The following PMVK variants were observed in gnomAD, a reference collection of about 807,000 sequenced individuals.
The protein encoded by PMVK is testis tissue sperm-binding protein Li 95mP.
Under a neutral mutation model 19.0 loss-of-function variants are expected in PMVK, and 10 were observed. That is an observed-to-expected ratio of 0.53 (90% CI 0.32 to 0.89). The LOEUF is 0.89. Among genes scored for constraint, PMVK ranks in the 40% least tolerant of loss-of-function variants. The pLI is 0.03. For synonymous variants in PMVK, 108 were observed against 101.6 expected (o/e 1.06, Z -0.38); for missense variants, 222 against 251.1 (o/e 0.88, Z 0.78).
At chr1:154,925,868 A>G (rs932314539) in intron 4 of PMVK, among the ~76,000 whole-genome samples, 1 of 152,220 alleles carries the variant, frequency 6.6e-6, no homozygotes, top group Non-Finnish European at 1.5e-5. Flanking sequence ...CAGCATTAGT[A>G]GTGGTCATAC....
At chr1:154,936,486 A>G in intron 1 of PMVK, 105 bp downstream of exon 1, 2 of 1,506,042 alleles carry the variant, frequency 1.3e-6, no homozygotes, top group Non-Finnish European at 1.8e-6. Context: ...TGCCTTGCAA[A>G]CGGACGACCC....
chr1:154,931,843 A>G (rs745622483), intron 2 of PMVK, among the ~76,000 whole-genome samples: 2 of 143,858 alleles, frequency 1.4e-5, no homozygotes, highest in Non-Finnish European at 3.0e-5. Flanking sequence ...GTTGTTGTTT[A>G]CTTTAAAAAA....
At chr1:154,940,412 G>T (rs1205995000), upstream of PMVK, among the ~76,000 whole-genome samples, 2 of 152,226 alleles carry the variant, frequency 1.3e-5, no homozygotes, top group Non-Finnish European at 2.9e-5. Context: ...AGAGGAAGTG[G>T]AGGGTGGGGG....
Position 154,926,492 on chromosome 1 carries a change from G to A in PMVK, c.313-9C>T. The stretch of plus-strand genomic sequence containing the variant: ...CGTGTGTCACTCACCAGCTGCAGGA[G>A]AGGGACAGACAGGTGACCAACAGGA... On this transcript the variant is annotated splice_polypyrimidine_tract_variant and intron_variant, in intron 3 of 4. Coordinates refer to ENST00000368467, the MANE Select transcript of PMVK (RefSeq NM_006556.4). 6.2e-7 allele frequency: 1 copy of A among 1,613,060 alleles called. No homozygotes were observed. Among genetic ancestry groups the A allele is most frequent in the Non-Finnish European group, 8.5e-7 (1 of 1,179,496 alleles).
At chr1:154,940,492 A>T (rs12095061), upstream of PMVK, among the ~76,000 whole-genome samples, 80,331 of 152,016 alleles carry the variant, frequency 0.53, 22,465 homozygotes, top group East Asian at 0.88. Flanking sequence ...GCAGGCTGCC[A>T]GTGGCAGAAT....
intron 3 of PMVK, 104 bp from the exon 4 acceptor site, chr1:154,926,587 C>G: frequency 1.1e-6 from 1 of 918,346 alleles, no homozygotes; most frequent in South Asian, 1.7e-5. Flanking sequence ...TGGCTCTACC[C>G]CCCCATCATC....
Position 154,924,986 on chromosome 1 carries a change from G to A in PMVK, c.*143C>T, listed in dbSNP as rs1654093968. 3 of 865,060 alleles carry A rather than the reference G, an allele frequency of 3.5e-6. No homozygotes were observed. Among genetic ancestry groups the A allele is most frequent in the Non-Finnish European group, 5.6e-6 (3 of 539,626 alleles). The allele number at this position is 865,060 out of a possible 1,614,324, so 53.6% of individuals were successfully genotyped here. A position where few individuals can be genotyped will look rare whatever the true frequency, so the allele number is the denominator to read the frequency against. On this transcript the variant is annotated 3_prime_UTR_variant, in exon 5 of 5. Transcript: ENST00000368467. ...GAGGTCTCCAGAGGTTTCCTGCCTTGCCCAATATCCACCAACCCCCTCAGA... is the reference window on the plus strand; with the variant it reads ...GAGGTCTCCAGAGGTTTCCTGCCTTACCCAATATCCACCAACCCCCTCAGA...
At chr1:154,936,150 C>T (rs1287341043) in intron 1 of PMVK, among the ~76,000 whole-genome samples, 2 of 152,220 alleles carry the variant, frequency 1.3e-5, no homozygotes, top group Non-Finnish European at 2.9e-5. Flanking sequence ...TGGCCAATCT[C>T]GCCTCACTGC....
upstream of PMVK, among the ~76,000 whole-genome samples, chr1:154,938,858 C>A (rs1654585451): frequency 1.3e-5 from 2 of 152,204 alleles, no homozygotes; most frequent in Non-Finnish European, 2.9e-5. Flanking sequence ...ACTGGCAGCC[C>A]AGCAATCCTG....
At chr1:154,928,369 C>T (rs532599095) in intron 3 of PMVK, among the ~76,000 whole-genome samples, 1 of 152,344 alleles carries the variant, frequency 6.6e-6, no homozygotes, top group Admixed American at 6.5e-5. Flanking sequence ...CTGGATCACA[C>T]AAGGCCCAGA....
intron 2 of PMVK, among the ~76,000 whole-genome samples, chr1:154,929,894 CCTT>C (rs1654283470): frequency 6.6e-6 from 1 of 152,164 alleles, no homozygotes; most frequent in Admixed American, 6.5e-5. Flanking sequence ...TGCAACAAGA[CCTT>C]CTCCCCTCAG....
chr1:154,942,296 G>C, the PMVK span, among the ~76,000 whole-genome samples: 1 of 152,226 alleles, frequency 6.6e-6, no homozygotes, highest in Non-Finnish European at 1.5e-5. Context: ...CCGAAGCCCT[G>C]CCCAGGCCAG....
At chr1:154,929,295 A>G (rs1374198900) in intron 2 of PMVK, 119 bp from the exon 3 acceptor site, 1 of 902,290 alleles carries the variant, frequency 1.1e-6, no homozygotes, top group South Asian at 1.6e-5. Flanking sequence ...TGCAAGGATT[A>G]ATGAGGTTTC....
At chr1:154,937,818 A>C (rs1019554056), upstream of PMVK, 5 of 152,122 alleles carry the variant, frequency 3.3e-5, no homozygotes, top group Admixed American at 1.3e-4. Flanking sequence ...GAACAGACTT[A>C]AGGAGGTGGT....
At chr1:154,933,563 G>C (rs771159331) in intron 1 of PMVK, among the ~76,000 whole-genome samples, 1 of 130,892 alleles carries the variant, frequency 7.6e-6, no homozygotes, top group East Asian at 2.4e-4. Flanking sequence ...GCGCGATCTC[G>C]GCTCACTGCA....
At chr1:154,930,709 C>T (rs1654309916) in intron 2 of PMVK, among the ~76,000 whole-genome samples, 1 of 152,038 alleles carries the variant, frequency 6.6e-6, no homozygotes, top group South Asian at 2.1e-4. Context: ...CCCCACCACC[C>T]TGCAGCATCG....
At chr1:154,938,591 G>A (rs1654580226), upstream of PMVK, among the ~76,000 whole-genome samples, 1 of 151,826 alleles carries the variant, frequency 6.6e-6, no homozygotes, top group African/African-American at 2.4e-5. Flanking sequence ...AAAAGACTCC[G>A]TCTCAAAAAA....
chr1:154,940,571 C>A (rs976279513), upstream of PMVK, among the ~76,000 whole-genome samples: 1 of 152,196 alleles, frequency 6.6e-6, no homozygotes, highest in South Asian at 2.1e-4. Context: ...CTTTGCCTAG[C>A]CTGAAATACC....
intron 2 of PMVK, among the ~76,000 whole-genome samples, chr1:154,931,928 A>G (rs755811192): frequency 2.0e-5 from 3 of 152,126 alleles, no homozygotes; most frequent in Non-Finnish European, 4.4e-5. Context: ...GACTCAAGCA[A>G]TCTACCTGCC....
Sources: gnomAD v4.1 joint callset for allele counts (sites outside exome capture counted in the v4.1 genomes callset) on GRCh38, gnomAD v4.1.1 for gene constraint, MANE v1.5 for transcripts, NCBI Gene and HGNC (gene_info 2026-07-23, HGNC 2026-07-21) for gene names.